Variants in MYO1H observed in about 807,000 individuals in gnomAD.
The protein encoded by MYO1H is myosin IH.
A neutral mutation model predicts 149.3 loss-of-function variants in MYO1H; 118 were observed. The ratio of observed to expected loss-of-function variants is 0.79; its 90% CI spans 0.68 to 0.92. The LOEUF is 0.92. MYO1H is among the 40% of genes least tolerant of loss of function. The probability of loss-of-function intolerance (pLI) is 0.00; values close to 1 mark genes in which losing one functional copy is unlikely to be tolerated. For synonymous variants in MYO1H, 447 were observed against 465.2 expected (o/e 0.96, Z 0.50); for missense variants, 1,212 against 1,280.7 (o/e 0.95, Z 0.82).
intron 18 of MYO1H, among the ~76,000 whole-genome samples, chr12:109,426,391 T>C (rs1871354727): frequency 6.6e-6 from 1 of 152,086 alleles, no homozygotes; most frequent in African/African-American, 2.4e-5. Context: ...CTGGGTGTGG[T>C]GGAACATGTC....
At chr12:109,367,247 A>G (rs1868883328) in intron 1 of MYO1H, among the ~76,000 whole-genome samples, 1 of 152,212 alleles carries the variant, frequency 6.6e-6, no homozygotes, top group Non-Finnish European at 1.5e-5. Flanking sequence ...CTAACTTTAC[A>G]AAGAGACCAT....
intron 1 of MYO1H, among the ~76,000 whole-genome samples, chr12:109,372,976 G>A (rs1869019321): frequency 6.6e-6 from 1 of 151,948 alleles, no homozygotes; most frequent in Non-Finnish European, 1.5e-5. Context: ...GGCACATTTG[G>A]TGATAAACTT....
intron 1 of MYO1H, among the ~76,000 whole-genome samples, chr12:109,374,571 C>T (rs538876602): frequency 9.2e-5 from 14 of 152,214 alleles, no homozygotes; most frequent in East Asian, 5.8e-4. Flanking sequence ...TTATAAATAA[C>T]GCTGCCATGT....
chr12:109,349,953 T>A (rs1321132739), intron 1 of MYO1H, among the ~76,000 whole-genome samples: 1 of 120,506 alleles, frequency 8.3e-6, no homozygotes, highest in African/African-American at 3.5e-5. Context: ...AGAGCAAGAC[T>A]CTGTCTTGAA....
intron 1 of MYO1H, among the ~76,000 whole-genome samples, chr12:109,353,864 G>T (rs1306213874): frequency 6.6e-6 from 1 of 152,118 alleles, no homozygotes; most frequent in Non-Finnish European, 1.5e-5. Flanking sequence ...ATGTCGGCCA[G>T]GCTGGTCTCT....
rs746268798 is a variant in MYO1H, at chr12:109,436,480, A to G, written c.2141-8A>G. The G allele has an allele frequency of 3.1e-6, 5 of 1,606,346 alleles. No individual in the cohort carries two copies. In the Admixed American group the frequency reaches 6.7e-5, roughly 22 times the overall value. On this transcript the variant is annotated splice_region_variant and splice_polypyrimidine_tract_variant and intron_variant, in intron 21 of 31. Coordinates refer to ENST00000310903, the Ensembl canonical transcript of MYO1H. ...GCCATTTCACCAAAACGTCTGTTTT[A>G]TTTTAAGTTGCAAGAATCCAAGCCA...
chr12:109,439,008 A>G (rs1349036035), intron 23 of MYO1H, among the ~76,000 whole-genome samples: 1 of 152,182 alleles, frequency 6.6e-6, no homozygotes, highest in Non-Finnish European at 1.5e-5. Context: ...TGCTGTGGGG[A>G]AATGTAGCCA....
intron 1 of MYO1H, among the ~76,000 whole-genome samples, chr12:109,384,824 T>C (rs1260195204): frequency 6.6e-6 from 1 of 152,164 alleles, no homozygotes; most frequent in Admixed American, 6.5e-5. Flanking sequence ...ATTTGGTTAA[T>C]CTCTGCATCC....
chr12:109,439,778 C>A (rs746807592), exon 24 of MYO1H: 2 of 1,613,712 alleles, frequency 1.2e-6, no homozygotes, highest in East Asian at 4.5e-5. Flanking sequence ...GGCCTCCTGG[C>A]ATCTTGGAAA....
chr12:109,447,570 T>C lies in MYO1H; in HGVS notation c.*388T>C, dbSNP rs1440264999. Reference sequence around the variant, plus strand: ...CAGCAAGTTCTCAAATAACATTTCGTTATATGTTGATAAGACATCTGATTC... The same window carrying C: ...CAGCAAGTTCTCAAATAACATTTCGCTATATGTTGATAAGACATCTGATTC... On this transcript the variant is annotated 3_prime_UTR_variant, in exon 32 of 32. Transcript: ENST00000310903. 4 of 251,158 alleles carry C rather than the reference T, an allele frequency of 1.6e-5. No homozygotes were observed. In the East Asian group the frequency reaches 3.1e-4, roughly 19 times the overall value. The allele number at this position is 251,158 out of a possible 1,614,324, so 15.6% of individuals were successfully genotyped here. A position where few individuals can be genotyped will look rare whatever the true frequency, so the allele number is the denominator to read the frequency against.
chr12:109,433,554 T>C (rs180771774), intron 20 of MYO1H, among the ~76,000 whole-genome samples: 3 of 152,278 alleles, frequency 2.0e-5, no homozygotes, highest in African/African-American at 7.2e-5. Flanking sequence ...GTTAATGAGG[T>C]TGCAGGGAAA....
chr12:109,396,241 T>C lies in MYO1H; in HGVS notation c.291-143T>C, dbSNP rs1869892679. 4.3e-5 allele frequency: 27 copies of C among 630,798 alleles called. No homozygotes were observed. The South Asian group carries it at 5.1e-4, about 12-fold the overall frequency. The allele number at this position is 630,798 out of a possible 1,614,324, so 39.1% of individuals were successfully genotyped here. On this transcript the variant is annotated intron_variant, in intron 3 of 31. Coordinates refer to ENST00000310903, the Ensembl canonical transcript of MYO1H. ...CCCCGCCTATGGAAAGGGTTTGATA[T>C]GTGTTTGAGCTCATTGTCCTTGTAC...
rs562589944 is a variant in MYO1H, at chr12:109,351,911, A to C, written c.12+3939A>C. Among the ~76,000 whole-genome samples the C allele has an allele frequency of 3.9e-5, 6 of 152,310 alleles. No homozygotes were observed. In the East Asian group the frequency reaches 1.2e-3, roughly 29 times the overall value. On this transcript the variant is annotated intron_variant, in intron 1 of 31. Coordinates refer to ENST00000310903, the Ensembl canonical transcript of MYO1H. The stretch of plus-strand genomic sequence containing the variant: ...CACGGTGGTTGGAGATGCTGCTTCA[A>C]ATTACTGCATGCTTTTACTCATCGC...
At chr12:109,446,001 T>C (rs1388027948) in intron 31 of MYO1H, 2 of 985,138 alleles carry the variant, frequency 2.0e-6, no homozygotes, top group Non-Finnish European at 2.4e-6. Flanking sequence ...ACTTAATTGG[T>C]TGGAGGTGCG....
chr12:109,410,662 G>T lies in MYO1H; in HGVS notation c.1330-26G>T. 2.0e-6 allele frequency: 3 copies of T among 1,514,382 alleles called. No homozygotes were observed. The South Asian group carries it at 3.5e-5, about 18-fold the overall frequency. 93.8% of individuals were successfully genotyped at this position (1,514,382 alleles called of 1,614,324 possible). A position where few individuals can be genotyped will look rare whatever the true frequency, so the allele number is the denominator to read the frequency against. ...GATGCTCATCTAAATATTTCTTGGA[G>T]AATTCATTCCTCTTTGTCATTTTAG... On this transcript the variant is annotated intron_variant, in intron 12 of 31. Transcript: ENST00000310903.
intron 1 of MYO1H, among the ~76,000 whole-genome samples, chr12:109,382,956 T>C (rs558279616): frequency 6.6e-6 from 1 of 150,548 alleles, no homozygotes; most frequent in Non-Finnish European, 1.5e-5. Flanking sequence ...TAAAAAATAA[T>C]ACTGGCAGTA....
chr12:109,398,411 T>C (rs1870009935), intron 5 of MYO1H, among the ~76,000 whole-genome samples: 1 of 152,118 alleles, frequency 6.6e-6, no homozygotes, highest in Admixed American at 6.6e-5. Context: ...GGGAACATAC[T>C]GTATGCCAGC....
At chr12:109,353,382 A>G (rs1348604441) in intron 1 of MYO1H, among the ~76,000 whole-genome samples, 1 of 121,510 alleles carries the variant, frequency 8.2e-6, no homozygotes, top group Non-Finnish European at 1.7e-5. Flanking sequence ...TGACAGAGCG[A>G]GACTCCGTCT....
chr12:109,376,402 A>ATGT (rs1869088471), intron 1 of MYO1H, among the ~76,000 whole-genome samples: 1 of 152,190 alleles, frequency 6.6e-6, no homozygotes, highest in African/African-American at 2.4e-5. Flanking sequence ...AGGTTCATCC[A>ATGT]TGTTGTAACA....
Sources: allele counts gnomAD v4.1 joint callset (sites outside exome capture counted in the v4.1 genomes callset), GRCh38; gene constraint gnomAD v4.1.1; transcripts MANE v1.5; gene names NCBI Gene and HGNC (gene_info 2026-07-23, HGNC 2026-07-21).